Variants in ALMS1 observed in about 807,000 individuals in gnomAD.
ALMS1 encodes centrosome-associated protein ALMS1.
ALMS1 carries 271 observed loss-of-function variants against 352.2 expected under a neutral mutation model. The observed-to-expected ratio is 0.77, with a 90% confidence interval of 0.70 to 0.85. The LOEUF is 0.85. Among genes scored for constraint, ALMS1 ranks in the 40% least tolerant of loss-of-function variants. ALMS1 has a pLI of 0.00. For missense variants in ALMS1, 5,445 were observed against 4,870.7 expected (o/e 1.12, Z -3.51); for synonymous variants, 1,865 against 1,761.2 (o/e 1.06, Z -1.48).
At chr2:73,427,165 C>T (rs1671398012) in intron 6 of ALMS1, among the ~76,000 whole-genome samples, 1 of 152,288 alleles carries the variant, frequency 6.6e-6, no homozygotes, top group Admixed American at 6.5e-5. Context: ...AAAGCTTGTA[C>T]TTTGAATGTT....
chr2:73,521,561 C>A (rs1673676630), intron 11 of ALMS1, among the ~76,000 whole-genome samples: 1 of 145,060 alleles, frequency 6.9e-6, no homozygotes, highest in Admixed American at 6.9e-5. Context: ...ACAATGAAAC[C>A]CCGTCTCTAC....
chr2:73,594,892 A>G (rs1373291097), intron 16 of ALMS1, among the ~76,000 whole-genome samples: 1 of 152,020 alleles, frequency 6.6e-6, no homozygotes, highest in Non-Finnish European at 1.5e-5. Flanking sequence ...GTTTGTTGGT[A>G]TCTTGTTTTT....
intron 6 of ALMS1, among the ~76,000 whole-genome samples, chr2:73,429,825 A>G (rs1270815583): frequency 6.6e-6 from 1 of 151,598 alleles, no homozygotes; most frequent in Non-Finnish European, 1.5e-5. Flanking sequence ...TAGCAAAATA[A>G]CTCATGTTTT....
At chr2:73,432,400 C>A in intron 7 of ALMS1, 109 bp downstream of exon 7, 1 of 739,896 alleles carries the variant, frequency 1.4e-6, no homozygotes, top group Non-Finnish European at 2.3e-6. Context: ...AATAATTATA[C>A]TTCAGATTAG....
chr2:73,543,943 T>G (rs188980910), intron 12 of ALMS1, among the ~76,000 whole-genome samples: 1,808 of 152,236 alleles, frequency 0.012, 23 homozygotes, highest in South Asian at 0.018. Flanking sequence ...CAACCATTGT[T>G]GAAGTCAGTG....
At position 73,490,438 on chromosome 2, in the gene ALMS1, A is replaced by G. The variant is rs886056312; in HGVS notation, c.8479A>G (p.Arg2827Gly). Residue 2827 changes from arginine (R) to glycine (G), a missense_variant, in exon 10 of 23, where the codon AGG (arginine) becomes GGG (glycine). Transcript: ENST00000613296. Reference protein sequence around the residue: ...FTGSHSEPSTRANCSNFKEIQ... With the variant: ...FTGSHSEPSTGANCSNFKEIQ... The stretch of plus-strand genomic sequence containing the variant: ...AGGCAGTCATTCTGAGCCCAGTACC[A>G]GGGCAAATTGTAGCAATTTCAAGGA... 1 of 1,614,200 alleles carries G rather than the reference A, an allele frequency of 6.2e-7. No individual in the cohort carries two copies. Among genetic ancestry groups the G allele is most frequent in the Non-Finnish European group, 8.5e-7 (1 of 1,180,040 alleles).
intron 4 of ALMS1, among the ~76,000 whole-genome samples, chr2:73,423,705 T>A (rs1671326339): frequency 1.3e-5 from 2 of 152,186 alleles, no homozygotes; most frequent in Admixed American, 1.3e-4. Flanking sequence ...CATCAACTAA[T>A]GATTAAGTTA....
At chr2:73,564,241 G>A (rs1674731854) in intron 15 of ALMS1, among the ~76,000 whole-genome samples, 5 of 152,104 alleles carry the variant, frequency 3.3e-5, no homozygotes, top group Non-Finnish European at 7.4e-5. Flanking sequence ...TAGGGTGGGT[G>A]GATCACTTGA....
chr2:73,594,409 A>G (rs1383813512), intron 16 of ALMS1, among the ~76,000 whole-genome samples: 2 of 152,252 alleles, frequency 1.3e-5, no homozygotes, highest in Non-Finnish European at 2.9e-5. Flanking sequence ...GGCTCCTCAT[A>G]TAATCCAGTG....
At chr2:73,484,513 C>T (rs1166992808) in intron 9 of ALMS1, among the ~76,000 whole-genome samples, 1 of 151,406 alleles carries the variant, frequency 6.6e-6, no homozygotes, top group East Asian at 1.9e-4. Flanking sequence ...AACATTTTTT[C>T]CTTCATTTCA....
intron 10 of ALMS1, among the ~76,000 whole-genome samples, chr2:73,503,976 A>G (rs1006220528): frequency 2.6e-5 from 4 of 152,218 alleles, no homozygotes; most frequent in African/African-American, 9.6e-5. Context: ...AAACTTACTT[A>G]TTAATTTGTA....
chr2:73,566,341 A>C (rs771967577), intron 15 of ALMS1, among the ~76,000 whole-genome samples: 3 of 152,186 alleles, frequency 2.0e-5, no homozygotes, highest in Non-Finnish European at 4.4e-5. Flanking sequence ...ACTTGAACAC[A>C]GGCACTGCAG....
chr2:73,513,326 G>T (rs550392029), intron 10 of ALMS1, among the ~76,000 whole-genome samples: 2 of 152,172 alleles, frequency 1.3e-5, no homozygotes, highest in Admixed American at 1.3e-4. Flanking sequence ...CCCCACGTAG[G>T]TTCTGACTCC....
At chr2:73,393,100 T>C (rs1341449745) in intron 1 of ALMS1, among the ~76,000 whole-genome samples, 1 of 152,232 alleles carries the variant, frequency 6.6e-6, no homozygotes, top group Admixed American at 6.5e-5. Flanking sequence ...GAAATATCTA[T>C]TCAGGTCAAA....
At chr2:73,492,556 A>G (rs993764747) in intron 10 of ALMS1, among the ~76,000 whole-genome samples, 2 of 152,176 alleles carry the variant, frequency 1.3e-5, no homozygotes, top group East Asian at 1.9e-4. Context: ...ACTTCCAACC[A>G]TGATGCTGGA....
At chr2:73,492,607 A>T (rs1444400950) in intron 10 of ALMS1, among the ~76,000 whole-genome samples, 1 of 152,200 alleles carries the variant, frequency 6.6e-6, no homozygotes, top group African/African-American at 2.4e-5. Context: ...GTAGAAGGAA[A>T]GGGTTGGAAT....
chr2:73,452,802 C>T lies in ALMS1; in HGVS notation c.6275C>T (p.Ser2092Phe). The T allele has an allele frequency of 1.9e-6, 3 of 1,613,714 alleles. No homozygotes were observed. The highest frequency in any genetic ancestry group is 2.5e-6 in the Non-Finnish European group (3 of 1,179,976). The change falls in exon 8 of 23, where the codon TCT (serine) becomes TTT (phenylalanine). Residue 2092 changes from serine to phenylalanine, a missense_variant. Transcript: ENST00000613296. The stretch of plus-strand genomic sequence containing the variant: ...AATACTGGAAAACCAGTATCTCTCT[C>T]TAGTTCTTATTTTCACAGAGAGAAA... ...DVNTGKPVSL[S>F]SSYFHREKSN...
chr2:73,410,466 T>C (rs971212196), intron 2 of ALMS1, among the ~76,000 whole-genome samples: 1 of 152,104 alleles, frequency 6.6e-6, no homozygotes, highest in African/African-American at 2.4e-5. Flanking sequence ...GTATCCAAAA[T>C]TGTGTTTAAC....
At chr2:73,404,487 A>G (rs1271631947) in intron 1 of ALMS1, among the ~76,000 whole-genome samples, 1 of 151,368 alleles carries the variant, frequency 6.6e-6, no homozygotes, top group Non-Finnish European at 1.5e-5. Flanking sequence ...TTTTTAAATA[A>G]TGAAAGGGTG....
Sources: gnomAD v4.1 joint callset for allele counts (sites outside exome capture counted in the v4.1 genomes callset) on GRCh38, gnomAD v4.1.1 for gene constraint, MANE v1.5 for transcripts, NCBI Gene and HGNC (gene_info 2026-07-23, HGNC 2026-07-21) for gene names.